Variants in QTMAN observed in about 807,000 individuals in gnomAD.
QTMAN encodes the protein tRNA-queuosine alpha-mannosyltransferase.
chr2:144,331,286 A>G, the QTMAN span, among the ~76,000 whole-genome samples: 1 of 152,312 alleles, frequency 6.6e-6, no homozygotes, highest in Admixed American at 6.5e-5. Context: ...TGTCATGGTT[A>G]AAGCTTAAGG....
the QTMAN span, among the ~76,000 whole-genome samples, chr2:144,142,993 A>G: frequency 6.6e-6 from 1 of 151,994 alleles, no homozygotes; most frequent in Non-Finnish European, 1.5e-5. Flanking sequence ...TCACGATGCT[A>G]GGCAGCAGCA....
chr2:144,144,376 A>C, the QTMAN span, among the ~76,000 whole-genome samples: 39 of 151,988 alleles, frequency 2.6e-4, no homozygotes, highest in East Asian at 6.4e-3. Flanking sequence ...TAAAGGAAAA[A>C]ATAGACTTAG....
chr2:144,139,577 T>G, the QTMAN span, among the ~76,000 whole-genome samples: 1 of 152,062 alleles, frequency 6.6e-6, no homozygotes, highest in Non-Finnish European at 1.5e-5. Flanking sequence ...GTCTAAGAGC[T>G]TTCCCATCCC....
chr2:144,165,816 T>C, the QTMAN span, among the ~76,000 whole-genome samples: 40 of 152,334 alleles, frequency 2.6e-4, no homozygotes, highest in East Asian at 7.1e-3. Flanking sequence ...TAAGAACCTA[T>C]TAATGAATCC....
At chr2:143,990,320 G>A in the QTMAN span, among the ~76,000 whole-genome samples, 1 of 152,084 alleles carries the variant, frequency 6.6e-6, no homozygotes, top group East Asian at 1.9e-4. Context: ...GGGCAGCCAG[G>A]GTTGAGACCA....
chr2:144,095,663 T>C, the QTMAN span, among the ~76,000 whole-genome samples: 2 of 152,180 alleles, frequency 1.3e-5, no homozygotes, highest in Non-Finnish European at 2.9e-5. Flanking sequence ...TAGGTATTCC[T>C]GGTTAAAAAG....
At chr2:144,227,770 C>T in the QTMAN span, among the ~76,000 whole-genome samples, 193 of 152,320 alleles carry the variant, frequency 1.3e-3, 2 homozygotes, top group Admixed American at 0.012. Flanking sequence ...TAAGGAAGTA[C>T]AGCAGATAAC....
chr2:144,112,095 T>A, the QTMAN span, among the ~76,000 whole-genome samples: 3 of 152,360 alleles, frequency 2.0e-5, no homozygotes, highest in South Asian at 6.2e-4. Context: ...AATATTGCAC[T>A]AGGTTGAAAA....
At chr2:144,047,697 G>A in the QTMAN span, among the ~76,000 whole-genome samples, 3 of 152,114 alleles carry the variant, frequency 2.0e-5, no homozygotes, top group African/African-American at 2.4e-5. Flanking sequence ...TTATGGTAGC[G>A]CCCTTCAAGA....
chr2:144,084,179 C>T, the QTMAN span, among the ~76,000 whole-genome samples: 1 of 152,184 alleles, frequency 6.6e-6, no homozygotes, highest in South Asian at 2.1e-4. Flanking sequence ...CTTTGATCTT[C>T]TAACATTCCT....
the QTMAN span, among the ~76,000 whole-genome samples, chr2:144,325,574 G>A: frequency 9.9e-5 from 15 of 151,020 alleles, no homozygotes; most frequent in Admixed American, 4.0e-4. Context: ...TTACACCAAA[G>A]ATTCCCCCAC....
At chr2:144,328,026 A>G in the QTMAN span, among the ~76,000 whole-genome samples, 1 of 152,120 alleles carries the variant, frequency 6.6e-6, no homozygotes, top group Non-Finnish European at 1.5e-5. Flanking sequence ...ATCTCGGCTC[A>G]CTGCAACCTC....
the QTMAN span, chr2:144,145,682 G>C: frequency 7.4e-6 from 12 of 1,611,654 alleles, no homozygotes; most frequent in Middle Eastern, 3.3e-4. Context: ...GTTTCCCAAG[G>C]TCAGGCCGAA....
At chr2:144,302,912 G>GCCA in the QTMAN span, among the ~76,000 whole-genome samples, 1 of 152,098 alleles carries the variant, frequency 6.6e-6, no homozygotes, top group African/African-American at 2.4e-5. Context: ...GACCAGCCTG[G>GCCA]CCACCATGGT....
the QTMAN span, among the ~76,000 whole-genome samples, chr2:144,010,432 C>T: frequency 6.6e-6 from 1 of 152,172 alleles, no homozygotes; most frequent in African/African-American, 2.4e-5. Flanking sequence ...ATCAAAACAG[C>T]TTACAAATCT....
chr2:144,090,721 G>C, the QTMAN span, among the ~76,000 whole-genome samples: 2 of 151,908 alleles, frequency 1.3e-5, no homozygotes, highest in African/African-American at 2.4e-5. Flanking sequence ...GAAATATATA[G>C]TATATTCATG....
the QTMAN span, chr2:144,211,103 TATC>T: frequency 6.6e-6 from 1 of 152,186 alleles, no homozygotes; most frequent in East Asian, 1.9e-4. Flanking sequence ...CTAAAGTACA[TATC>T]ATGATGTTTC....
At chr2:144,295,600 G>C in the QTMAN span, among the ~76,000 whole-genome samples, 4 of 152,024 alleles carry the variant, frequency 2.6e-5, no homozygotes, top group African/African-American at 9.7e-5. Flanking sequence ...CAGCTCCCAA[G>C]GCAGCTTTTT....
At chr2:144,251,763 A>C in the QTMAN span, among the ~76,000 whole-genome samples, 6 of 152,354 alleles carry the variant, frequency 3.9e-5, no homozygotes, top group Admixed American at 3.9e-4. Context: ...CTGCTCTGTG[A>C]AAGACACTCT....
Sources: allele counts gnomAD v4.1 joint callset (sites outside exome capture counted in the v4.1 genomes callset), GRCh38; gene constraint gnomAD v4.1.1; transcripts MANE v1.5; gene names NCBI Gene and HGNC (gene_info 2026-07-23, HGNC 2026-07-21).